Variants in STPG2 observed in about 807,000 individuals in gnomAD.
STPG2 encodes the protein sperm-tail PG-rich repeat-containing protein 2.
In STPG2, 56 loss-of-function variants were observed where a neutral mutation model predicts 54.2. The ratio of observed to expected loss-of-function variants is 1.03; its 90% confidence interval spans 0.83 to 1.29. STPG2 has a LOEUF of 1.29. STPG2 is among the 50% of genes most tolerant of loss of function. The pLI is 0.00. For missense variants in STPG2, 596 were observed against 544.9 expected, an observed-to-expected ratio of 1.09 and a Z score of -0.93; for synonymous variants, 200 against 181.8, an observed-to-expected ratio of 1.10 and a Z score of -0.81.
intron 8 of STPG2, among the ~76,000 whole-genome samples, chr4:97,862,690 T>G (rs561830060): frequency 6.6e-6 from 1 of 152,094 alleles, no homozygotes; most frequent in South Asian, 2.1e-4. Context: ...CACCACGGAG[T>G]TGGAAGTAAA....
At chr4:97,852,698 A>T (rs1300180675) in intron 8 of STPG2, among the ~76,000 whole-genome samples, 1 of 152,190 alleles carries the variant, frequency 6.6e-6, no homozygotes, top group Non-Finnish European at 1.5e-5. Context: ...AATAATGGTG[A>T]TAACAGGGAG....
intron 10 of STPG2, among the ~76,000 whole-genome samples, chr4:97,682,040 C>G (rs916146436): frequency 6.6e-6 from 1 of 151,738 alleles, no homozygotes; most frequent in African/African-American, 2.4e-5. Context: ...CCCAGTATCT[C>G]TGTAATATAG....
At chr4:97,552,938 A>C (rs182832080) in intron 4 of STPG2, among the ~76,000 whole-genome samples, 57 of 152,300 alleles carry the variant, frequency 3.7e-4, no homozygotes, top group African/African-American at 1.3e-3. Flanking sequence ...GTTTTAAAGC[A>C]AATCAAACCA....
At chr4:97,949,054 TAAGTC>T (rs1365615052) in intron 7 of STPG2, among the ~76,000 whole-genome samples, 6 of 152,124 alleles carry the variant, frequency 3.9e-5, no homozygotes, top group Admixed American at 1.3e-4. Context: ...TCTCCTCTCT[TAAGTC>T]AAGTAGTAAT....
At chr4:97,637,037 CA>C (rs911824701) in intron 10 of STPG2, among the ~76,000 whole-genome samples, 20 of 121,012 alleles carry the variant, frequency 1.7e-4, no homozygotes, top group African/African-American at 5.9e-4. Context: ...GAGACAAAAC[CA>C]AAAAAGAGAA....
intron 9 of STPG2, among the ~76,000 whole-genome samples, chr4:97,838,362 C>T (rs1416277120): frequency 1.3e-5 from 2 of 151,206 alleles, no homozygotes; most frequent in African/African-American, 2.4e-5. Flanking sequence ...TTTGATTATA[C>T]AATGATGTTT....
intron 5 of STPG2, among the ~76,000 whole-genome samples, chr4:98,035,026 A>G (rs1020424804): frequency 6.6e-6 from 1 of 152,226 alleles, no homozygotes; most frequent in Non-Finnish European, 1.5e-5. Flanking sequence ...ACCATTCAGG[A>G]CATAGGCATG....
chr4:98,123,640 G>A (rs1266983863), intron 3 of STPG2, among the ~76,000 whole-genome samples: 1 of 152,172 alleles, frequency 6.6e-6, no homozygotes, highest in African/African-American at 2.4e-5. Flanking sequence ...GTGCCATGTA[G>A]TGCCGAGAAG....
chr4:98,018,805 A>G (rs1184940011), intron 5 of STPG2, among the ~76,000 whole-genome samples: 1 of 151,728 alleles, frequency 6.6e-6, no homozygotes, highest in African/African-American at 2.4e-5. Context: ...TTTTGGCTGC[A>G]TAAATGTCTT....
intron 5 of STPG2, among the ~76,000 whole-genome samples, chr4:98,096,660 A>G (rs1224451681): frequency 6.6e-6 from 1 of 152,114 alleles, no homozygotes; most frequent in Non-Finnish European, 1.5e-5. Context: ...AGAAAACTAT[A>G]CAAAAGATTA....
intron 9 of STPG2, among the ~76,000 whole-genome samples, chr4:97,767,507 A>C (rs1726089860): frequency 6.6e-6 from 1 of 152,206 alleles, no homozygotes; most frequent in African/African-American, 2.4e-5. Context: ...TTACAATATA[A>C]ATACAATTTG....
intron 9 of STPG2, among the ~76,000 whole-genome samples, chr4:97,723,061 C>T (rs1177331160): frequency 6.6e-6 from 1 of 151,264 alleles, no homozygotes; most frequent in Non-Finnish European, 1.5e-5. Flanking sequence ...ATCCGCCAGC[C>T]TCGGCCTCCT....
chr4:97,941,216 A>G (rs1025230292), intron 8 of STPG2, among the ~76,000 whole-genome samples: 4 of 151,972 alleles, frequency 2.6e-5, no homozygotes, highest in African/African-American at 9.7e-5. Context: ...TTACCCAGCG[A>G]CTTTACTCTG....
chr4:97,482,723 T>C (rs1461642076), intron 4 of STPG2, among the ~76,000 whole-genome samples: 1 of 151,540 alleles, frequency 6.6e-6, no homozygotes, highest in Non-Finnish European at 1.5e-5. Context: ...GGGGAATTCA[T>C]TGCAAAAAGA....
intron 10 of STPG2, among the ~76,000 whole-genome samples, chr4:97,658,660 C>T (rs774325892): frequency 6.6e-6 from 1 of 152,140 alleles, no homozygotes; most frequent in Non-Finnish European, 1.5e-5. Flanking sequence ...GGTACGAGGC[C>T]AGACTAAGAG....
chr4:97,754,071 C>A (rs1298318383), intron 9 of STPG2, among the ~76,000 whole-genome samples: 2 of 151,932 alleles, frequency 1.3e-5, no homozygotes, highest in East Asian at 1.9e-4. Flanking sequence ...ATAGTGTTTT[C>A]TTCTAATAAT....
intron 5 of STPG2, among the ~76,000 whole-genome samples, chr4:98,081,067 T>C (rs1314110844): frequency 6.6e-6 from 1 of 152,156 alleles, no homozygotes; most frequent in African/African-American, 2.4e-5. Context: ...CCCTCAGCTC[T>C]GAGAGCAAGG....
chr4:97,899,625 C>G lies in STPG2; in HGVS notation c.1044+44272G>C, dbSNP rs549614424. Among the ~76,000 whole-genome samples, 3 of 151,978 alleles carry G rather than the reference C, an allele frequency of 2.0e-5. No individual in the cohort carries two copies. The East Asian group carries it at 5.8e-4, about 29-fold the overall frequency. On this transcript the variant is annotated intron_variant, in intron 8 of 10. Coordinates refer to ENST00000295268, the MANE Select transcript of STPG2 (RefSeq NM_174952.3). Reference sequence around the variant, plus strand: ...TGTGGTAATAGTACAAAAACAGGCACATAAACCAACAGAACAGAATAGAGC... The same window carrying G: ...TGTGGTAATAGTACAAAAACAGGCAGATAAACCAACAGAACAGAATAGAGC...
At chr4:97,882,976 T>TACACACACACACACACACACACAC (rs34481744) in intron 8 of STPG2, among the ~76,000 whole-genome samples, 1 of 146,862 alleles carries the variant, frequency 6.8e-6, no homozygotes, top group Admixed American at 6.9e-5. Flanking sequence ...ACATACCACA[T>TACACACACACACACACACACACAC]ACACACACAC....
Sources: allele counts gnomAD v4.1 joint callset (sites outside exome capture counted in the v4.1 genomes callset), GRCh38; gene constraint gnomAD v4.1.1; transcripts MANE v1.5; gene names NCBI Gene and HGNC (gene_info 2026-07-23, HGNC 2026-07-21).